CSTPP1: variants seen among roughly 807,000 people sequenced by gnomAD.
CSTPP1 encodes centriolar satellite-associated tubulin polyglutamylase complex regulator 1, also known as UPF0705 protein C11orf49.
chr11:47,150,089 T>C, the CSTPP1 span, among the ~76,000 whole-genome samples: 11 of 152,112 alleles, frequency 7.2e-5, no homozygotes, highest in Non-Finnish European at 1.5e-4. Context: ...CAGCCATTTA[T>C]CCAGTATCCT....
the CSTPP1 span, among the ~76,000 whole-genome samples, chr11:46,948,812 T>C: frequency 6.6e-6 from 1 of 152,190 alleles, no homozygotes; most frequent in African/African-American, 2.4e-5. Context: ...CACATGAGCT[T>C]AAACAGCAAG....
At chr11:47,164,192 G>C in the CSTPP1 span, 1 of 1,613,992 alleles carries the variant, frequency 6.2e-7, no homozygotes, top group Non-Finnish European at 8.5e-7. Context: ...AGGCCCTGGA[G>C]AGAGTGTCCT....
chr11:47,153,354 C>T, the CSTPP1 span, among the ~76,000 whole-genome samples: 1 of 152,222 alleles, frequency 6.6e-6, no homozygotes, highest in Non-Finnish European at 1.5e-5. Flanking sequence ...TAGTGTTGAA[C>T]TCTGGTGGTG....
the CSTPP1 span, among the ~76,000 whole-genome samples, chr11:47,133,936 C>T: frequency 2.0e-5 from 3 of 152,122 alleles, no homozygotes; most frequent in Non-Finnish European, 2.9e-5. Flanking sequence ...AGACCAAGTG[C>T]TCAATAAATG....
At chr11:47,049,980 G>C in the CSTPP1 span, among the ~76,000 whole-genome samples, 2 of 152,042 alleles carry the variant, frequency 1.3e-5, no homozygotes, top group Non-Finnish European at 2.9e-5. Flanking sequence ...AAATTAATCA[G>C]ATACACTGAA....
chr11:47,105,173 T>A, the CSTPP1 span, among the ~76,000 whole-genome samples: 2 of 152,082 alleles, frequency 1.3e-5, no homozygotes, highest in African/African-American at 4.8e-5. Flanking sequence ...ACCAGTTAAG[T>A]CCCTGTGCCT....
chr11:46,944,875 C>A, the CSTPP1 span, among the ~76,000 whole-genome samples: 2 of 152,172 alleles, frequency 1.3e-5, no homozygotes, highest in African/African-American at 4.8e-5. Context: ...GTGTCTGTTT[C>A]TCACAGTATC....
chr11:47,022,184 C>T, the CSTPP1 span, among the ~76,000 whole-genome samples: 2 of 151,870 alleles, frequency 1.3e-5, no homozygotes, highest in African/African-American at 4.8e-5. Context: ...TTAAAAGCCA[C>T]TTTCATTCCA....
At chr11:46,997,383 T>C in the CSTPP1 span, among the ~76,000 whole-genome samples, 2 of 152,232 alleles carry the variant, frequency 1.3e-5, no homozygotes, top group African/African-American at 2.4e-5. Context: ...ACATAGTTCT[T>C]GTGCCATGGT....
the CSTPP1 span, among the ~76,000 whole-genome samples, chr11:47,018,090 A>G: frequency 2.2e-4 from 34 of 152,202 alleles, no homozygotes; most frequent in African/African-American, 7.5e-4. Context: ...GCTGAGTAGT[A>G]TTGTATTGTA....
At chr11:46,965,298 T>C in the CSTPP1 span, among the ~76,000 whole-genome samples, 4 of 141,312 alleles carry the variant, frequency 2.8e-5, no homozygotes, top group East Asian at 8.0e-4. Context: ...CAATCTCGGG[T>C]AACTCTACCT....
At chr11:46,987,245 G>A in the CSTPP1 span, 1 of 1,614,162 alleles carries the variant, frequency 6.2e-7, no homozygotes, top group Non-Finnish European at 8.5e-7. Context: ...AGGATGCAGT[G>A]TGCCAGCTGC....
the CSTPP1 span, among the ~76,000 whole-genome samples, chr11:47,012,572 G>T: frequency 6.6e-6 from 1 of 151,870 alleles, no homozygotes; most frequent in Non-Finnish European, 1.5e-5. Context: ...GGGAAAGGAA[G>T]AGAAAAAAGA....
At chr11:47,080,013 C>T in the CSTPP1 span, among the ~76,000 whole-genome samples, 83 of 152,122 alleles carry the variant, frequency 5.5e-4, no homozygotes, top group African/African-American at 1.9e-3. Flanking sequence ...AGGAGAATCA[C>T]GTGAACCCGG....
At chr11:47,010,466 G>A in the CSTPP1 span, among the ~76,000 whole-genome samples, 26 of 152,176 alleles carry the variant, frequency 1.7e-4, no homozygotes, top group Non-Finnish European at 2.9e-4. Context: ...GACTGTTGTG[G>A]TGAGACCTTT....
chr11:47,160,531 T>A, the CSTPP1 span: 1 of 153,284 alleles, frequency 6.5e-6, no homozygotes, highest in Non-Finnish European at 1.4e-5. Flanking sequence ...CTATGAGATG[T>A]ACTTTGAAAA....
At chr11:47,132,769 T>C in the CSTPP1 span, among the ~76,000 whole-genome samples, 1 of 152,172 alleles carries the variant, frequency 6.6e-6, no homozygotes, top group African/African-American at 2.4e-5. Flanking sequence ...GTGTGAATAA[T>C]CCTAACATCA....
chr11:46,936,846 AT>A, the CSTPP1 span: 1 of 1,594,340 alleles, frequency 6.3e-7, no homozygotes, highest in Non-Finnish European at 8.5e-7. Flanking sequence ...GACTACGAGT[AT>A]CTGGGTAGGA....
chr11:47,008,063 G>A, the CSTPP1 span, among the ~76,000 whole-genome samples: 1 of 152,110 alleles, frequency 6.6e-6, no homozygotes, highest in Non-Finnish European at 1.5e-5. Context: ...TGCCTCCCGG[G>A]TTCAAGTGAT....
Sources: gnomAD v4.1 joint callset for allele counts (sites outside exome capture counted in the v4.1 genomes callset) on GRCh38, gnomAD v4.1.1 for gene constraint, MANE v1.5 for transcripts, NCBI Gene and HGNC (gene_info 2026-07-23, HGNC 2026-07-21) for gene names.